Variants in TEDC2 observed in about 807,000 individuals in gnomAD.
TEDC2 encodes the protein tubulin epsilon and delta complex protein 2.
A neutral mutation model predicts 48.1 loss-of-function variants in TEDC2; 49 were observed. The ratio of observed to expected loss-of-function variants is 1.02; its 90% CI spans 0.81 to 1.29. The LOEUF is 1.29. Among genes scored for constraint, TEDC2 ranks in the 50% most tolerant of loss-of-function variants. The pLI, the probability that TEDC2 is intolerant of heterozygous loss-of-function variation, is 0.00. For missense variants in TEDC2, 631 were observed against 571.4 expected, an observed-to-expected ratio of 1.10 and a Z score of -1.06; for synonymous variants, 299 against 247.1, an observed-to-expected ratio of 1.21 and a Z score of -1.97.
intron 8 of TEDC2, among the ~76,000 whole-genome samples, 154 bp downstream of exon 8, chr16:2,462,886 A>C (rs2065475778): frequency 6.6e-6 from 1 of 152,148 alleles, no homozygotes; most frequent in Non-Finnish European, 1.5e-5. Flanking sequence ...GCCACTCCCC[A>C]GTGTGCTGGG....
In TEDC2 at chr16:2,464,932, C is replaced by T. The variant is rs2065491241; in HGVS notation, c.*264C>T. On this transcript the variant is annotated 3_prime_UTR_variant, in exon 10 of 10. Coordinates refer to ENST00000361837, the MANE Select transcript of TEDC2 (RefSeq NM_025108.3). Reference sequence around the variant, plus strand: ...TCTCTCACTGTAGACCAAAGAGCCGCTTGTGTGATATTAAAGCCACTTTAG... The same window carrying T: ...TCTCTCACTGTAGACCAAAGAGCCGTTTGTGTGATATTAAAGCCACTTTAG... The T allele has an allele frequency of 3.9e-6, 2 of 512,366 alleles. No homozygotes were observed. Among genetic ancestry groups the T allele is most frequent in the Non-Finnish European group, 6.9e-6 (2 of 288,668 alleles). 31.7% of individuals were successfully genotyped at this position (512,366 alleles called of 1,614,324 possible). A position where few individuals can be genotyped will look rare whatever the true frequency, so the allele number is the denominator to read the frequency against.
rs762488575 is a variant in TEDC2 at position 2,464,554 on chromosome 16, C to G, written c.1188C>G (p.Ser396Arg). 1.3e-6 allele frequency: 2 copies of G among 1,596,826 alleles called. No individual in the cohort carries two copies. The highest frequency in any genetic ancestry group is 1.7e-5 in the Admixed American group (1 of 59,196). Residue 396 changes from serine (S) to arginine (R), a missense_variant, in exon 10 of 10, where the codon AGC becomes AGG. Ser to Arg is a moderately radical substitution (Grantham distance 110, BLOSUM62 -1). Coordinates refer to ENST00000361837, the MANE Select transcript of TEDC2 (RefSeq NM_025108.3). ...TGGCTGAACTCCTCCCCCTGGTAAG[C>G]GCTGCACAGCCGCAGGGGCCGCCCT... ...VLMAELLPLV[S>R]AAQPQGPPWL...
intron 3 of TEDC2, 59 bp downstream of exon 3, chr16:2,460,752 G>T: frequency 6.2e-7 from 1 of 1,612,142 alleles, no homozygotes; most frequent in Non-Finnish European, 8.5e-7. Context: ...CTGGCGTGCA[G>T]TTGTGAGGAA....
Position 2,463,277 on chromosome 16 carries a change from C to T in TEDC2, c.964+545C>T, listed in dbSNP as rs1035290994. Among the ~76,000 whole-genome samples, 11 of 151,512 alleles carry T rather than the reference C, an allele frequency of 7.3e-5. No individual in the cohort carries two copies. In the South Asian group the frequency reaches 1.7e-3, roughly 23 times the overall value. ...AGGAGCTTGCAGTGAGCTGAGATTGCGCCACTGCATTCCAGCCTGGGCGAC... is the reference window on the plus strand; with the variant it reads ...AGGAGCTTGCAGTGAGCTGAGATTGTGCCACTGCATTCCAGCCTGGGCGAC... On this transcript the variant is annotated intron_variant, in intron 8 of 9. Coordinates refer to ENST00000361837, the MANE Select transcript of TEDC2 (RefSeq NM_025108.3).
chr16:2,461,802 T>A lies in TEDC2; in HGVS notation c.659+2T>A, dbSNP rs1022829001. 9.9e-6 allele frequency: 16 copies of A among 1,613,222 alleles called. No homozygotes were observed. Among genetic ancestry groups the A allele is most frequent in the Non-Finnish European group, 1.4e-5 (16 of 1,179,944 alleles). Reference sequence around the variant, plus strand: ...GAAAGCAGCTTCCCAGAACTCGAGGTGAGGCTGAGGTCTTTGGCTGGACGG... The same window carrying A: ...GAAAGCAGCTTCCCAGAACTCGAGGAGAGGCTGAGGTCTTTGGCTGGACGG... On this transcript the variant is annotated splice_donor_variant, in intron 5 of 9. Coordinates refer to ENST00000361837, the MANE Select transcript of TEDC2 (RefSeq NM_025108.3). LOFTEE classifies it high-confidence loss of function.
chr16:2,461,790 C>G lies in TEDC2; in HGVS notation c.649C>G (p.Gln217Glu), dbSNP rs1236337106. Reference sequence around the variant, plus strand: ...TGCGGCATTCAGGAAAGCAGCTTCCCAGAACTCGAGGTGAGGCTGAGGTCT... The same window carrying G: ...TGCGGCATTCAGGAAAGCAGCTTCCGAGAACTCGAGGTGAGGCTGAGGTCT... The part of the protein sequence containing the change: ...LPAAFRKAAS[Q>E]NSSLWAQLSS... Residue 217 changes from glutamine to glutamate, a missense_variant, in exon 5 of 10, where the codon CAG (glutamine) becomes GAG (glutamate). Gln to Glu is a conservative substitution (Grantham distance 29). Coordinates refer to ENST00000361837, the MANE Select transcript of TEDC2 (RefSeq NM_025108.3). The G allele has an allele frequency of 6.2e-7, 1 of 1,613,348 alleles. No individual in the cohort carries two copies. The highest frequency in any genetic ancestry group is 1.7e-5 in the Admixed American group (1 of 60,008).
At position 2,462,249 on chromosome 16, in the gene TEDC2, C is replaced by T; in HGVS notation, c.750+10C>T. 1 of 1,612,954 alleles carries T rather than the reference C, an allele frequency of 6.2e-7. No individual in the cohort carries two copies. The highest frequency in any genetic ancestry group is 8.5e-7 in the Non-Finnish European group (1 of 1,179,924). Reference sequence around the variant, plus strand: ...GAACATGCAGACAGCTGTATCCTTGCTGGGCTTGTGGGAGCCCTGGGGGCC... The same window carrying T: ...GAACATGCAGACAGCTGTATCCTTGTTGGGCTTGTGGGAGCCCTGGGGGCC... On this transcript the variant is annotated intron_variant, in intron 6 of 9. Coordinates refer to ENST00000361837, the MANE Select transcript of TEDC2 (RefSeq NM_025108.3).
At position 2,461,238 on chromosome 16, in the gene TEDC2, A is replaced by C; in HGVS notation, c.605+14A>C. On this transcript the variant is annotated intron_variant, in intron 4 of 9. Coordinates refer to ENST00000361837, the MANE Select transcript of TEDC2 (RefSeq NM_025108.3). The stretch of plus-strand genomic sequence containing the variant: ...CAAGGAGAAGGGGTAGGTTTCCCGG[A>C]CCCTCACTGGAGGGACTTCTGTCTC... 2.1e-6 allele frequency: 3 copies of C among 1,448,046 alleles called. No individual in the cohort carries two copies. The highest frequency in any genetic ancestry group is 2.7e-6 in the Non-Finnish European group (3 of 1,097,232). 89.7% of individuals were successfully genotyped at this position (1,448,046 alleles called of 1,614,324 possible). A position where few individuals can be genotyped will look rare whatever the true frequency, so the allele number is the denominator to read the frequency against.
intron 4 of TEDC2, 173 bp from the exon 5 acceptor site, chr16:2,461,574 A>G (rs1374473532): frequency 1.9e-5 from 14 of 749,110 alleles, no homozygotes; most frequent in Non-Finnish European, 3.1e-5. Context: ...GCACTGGACG[A>G]TGCTTCTCCT....
chr16:2,461,442 C>T (rs2065466144), intron 4 of TEDC2: 3 of 678,472 alleles, frequency 4.4e-6, no homozygotes, highest in Admixed American at 3.2e-5. Flanking sequence ...GCCTGTCCTC[C>T]TCTCTTCTCT....
At chr16:2,463,316 G>A (rs1433939114) in intron 8 of TEDC2, among the ~76,000 whole-genome samples, 3 of 146,674 alleles carry the variant, frequency 2.0e-5, no homozygotes, top group Admixed American at 6.9e-5. Flanking sequence ...GTGAGATGCC[G>A]TCTCAGAAAA....
At chr16:2,461,333 C>A in intron 4 of TEDC2, 109 bp downstream of exon 4, 1 of 1,324,888 alleles carries the variant, frequency 7.5e-7, no homozygotes, top group Non-Finnish European at 1.0e-6. Context: ...GCATCGAGCC[C>A]TGTGGCATAC....
rs1365536226 is a variant in TEDC2 at position 2,464,047 on chromosome 16, G to C, written c.973G>C (p.Glu325Gln). ...RLQELRAAVAEQPPRPCPVGR... is the reference protein window; with the variant it reads ...RLQELRAAVAQQPPRPCPVGR... The stretch of plus-strand genomic sequence containing the variant: ...TTCTCCTGTGCACACAGCGGTGGCG[G>C]AACAGCCACCAAGACCATGTCCTGT... Residue 325 changes from glutamate (E) to glutamine (Q), a missense_variant, in exon 9 of 10, where the codon GAA becomes CAA. Transcript: ENST00000361837. 1 of 1,611,858 alleles carries C rather than the reference G, an allele frequency of 6.2e-7. No homozygotes were observed.
chr16:2,463,847 C>T (rs2065482458), intron 8 of TEDC2, 192 bp from the exon 9 acceptor site: 4 of 592,600 alleles, frequency 6.7e-6, no homozygotes, highest in South Asian at 4.6e-5. Flanking sequence ...GGCAGAGGGC[C>T]ACCCCACAGA....
chr16:2,463,424 C>G (rs904170252), intron 8 of TEDC2, among the ~76,000 whole-genome samples: 2 of 152,102 alleles, frequency 1.3e-5, no homozygotes, highest in African/African-American at 4.8e-5. Flanking sequence ...GTCAGGAGTT[C>G]AAGACCAGCC....
At chr16:2,461,928 T>C in intron 5 of TEDC2, 128 bp downstream of exon 5, 3 of 1,302,256 alleles carry the variant, frequency 2.3e-6, no homozygotes, top group South Asian at 2.5e-5. Flanking sequence ...TCACTGTCGA[T>C]GTTAAAAATC....
In TEDC2 at chr16:2,460,161, GC is replaced by G. The variant is rs2065455772; in HGVS notation, c.18del (p.Ser7ArgfsTer44). Reference protein sequence around the residue: MLPAGCSRRLVAELQG... With the variant: MLPAGXSRRLVAELQG... ...GCCGCCTTCATGCTGCCGGCGGGCT[GC>G]TCGCGCCGGTGAGGCCTGCGCGGCA... On this transcript the variant is annotated frameshift_variant, in exon 1 of 10. Transcript: ENST00000361837. LOFTEE classifies it high-confidence loss of function. The G allele has an allele frequency of 7.4e-7, 1 of 1,350,710 alleles. No individual in the cohort carries two copies. Among genetic ancestry groups the G allele is most frequent in the African/African-American group, 1.5e-5 (1 of 64,940 alleles). The allele number at this position is 1,350,710 out of a possible 1,614,324, so 83.7% of individuals were successfully genotyped here. A position where few individuals can be genotyped will look rare whatever the true frequency, so the allele number is the denominator to read the frequency against.
chr16:2,464,421 G>A (rs937811467), intron 9 of TEDC2, 101 bp from the exon 10 acceptor site: 2 of 1,380,598 alleles, frequency 1.4e-6, no homozygotes, highest in African/African-American at 2.9e-5. Flanking sequence ...GCCTCAGAAG[G>A]AGGGAGGAGG....
chr16:2,461,153 C>G lies in TEDC2; in HGVS notation c.534C>G (p.Gly178=). ...CCCGAACCCCCAGGCCTGGGGCGGGCCTCAGGGACCAGCAAATGGCCCCAT... is the reference window on the plus strand; with the variant it reads ...CCCGAACCCCCAGGCCTGGGGCGGGGCTCAGGGACCAGCAAATGGCCCCAT... ...MGARTPRPGA[G]LRDQQMAPSA... is the part of the protein sequence containing the mutation. The change falls in exon 4 of 10, where the codon GGC becomes GGG. Residue 178 remains glycine (G), a synonymous_variant. Coordinates refer to ENST00000361837, the MANE Select transcript of TEDC2 (RefSeq NM_025108.3). 6.5e-7 allele frequency: 1 copy of G among 1,528,384 alleles called. No homozygotes were observed. The highest frequency in any genetic ancestry group is 8.8e-7 in the Non-Finnish European group (1 of 1,138,674). The allele number at this position is 1,528,384 out of a possible 1,614,324, so 94.7% of individuals were successfully genotyped here. A position where few individuals can be genotyped will look rare whatever the true frequency, so the allele number is the denominator to read the frequency against.
Sources: allele counts gnomAD v4.1 joint callset (sites outside exome capture counted in the v4.1 genomes callset), GRCh38; gene constraint gnomAD v4.1.1; transcripts MANE v1.5; gene names NCBI Gene and HGNC (gene_info 2026-07-23, HGNC 2026-07-21).